The following JMJD1C variants were observed in gnomAD, a reference collection of about 807,000 sequenced individuals.
The protein encoded by JMJD1C is jumonji domain-containing protein 1C.
Under a neutral mutation model 245.3 loss-of-function variants are expected in JMJD1C, and 31 were observed. The ratio of observed to expected loss-of-function variants is 0.13; its 90% CI spans 0.09 to 0.17. The LOEUF is 0.17. JMJD1C is among the 10% of genes least tolerant of loss of function. The pLI is 1.00. For synonymous variants in JMJD1C, 1,057 were observed against 1,017.4 expected (o/e 1.04, Z -0.74); for missense variants, 2,691 against 3,000.2 (o/e 0.90, Z 2.41).
In JMJD1C at chr10:63,465,304, C is replaced by T. The variant is rs931941778; in HGVS notation, c.168+191G>A. On this transcript the variant is annotated intron_variant, in intron 1 of 25. Transcript: ENST00000399262. ...GAGTCCTGCTCCGACACCACCTCCA[C>T]AGGGGAAGCCGCTCGGAGAGACGCA... 3 of 638,558 alleles carry T rather than the reference C, an allele frequency of 4.7e-6. No homozygotes were observed. The South Asian group carries it at 6.0e-5, about 13-fold the overall frequency. 39.6% of individuals were successfully genotyped at this position (638,558 alleles called of 1,614,324 possible). A position where few individuals can be genotyped will look rare whatever the true frequency, so the allele number is the denominator to read the frequency against.
intron 1 of JMJD1C, among the ~76,000 whole-genome samples, chr10:63,457,883 A>T (rs1314353872): frequency 6.6e-6 from 1 of 152,198 alleles, no homozygotes; most frequent in Non-Finnish European, 1.5e-5. Flanking sequence ...CAGTATGCAT[A>T]GTTTTGTTTT....
chr10:63,203,639 A>C (rs1846270463), intron 10 of JMJD1C: 1 of 975,200 alleles, frequency 1.0e-6, no homozygotes, highest in South Asian at 4.7e-5. Context: ...TAAAACATAA[A>C]AATTAGTGGA....
At chr10:63,417,223 A>C (rs1193295359) in intron 1 of JMJD1C, among the ~76,000 whole-genome samples, 1 of 152,336 alleles carries the variant, frequency 6.6e-6, no homozygotes, top group African/African-American at 2.4e-5. Flanking sequence ...GCAACCGGTT[A>C]TCAAAGAATT....
chr10:63,370,896 A>G (rs1466054622), intron 2 of JMJD1C, among the ~76,000 whole-genome samples: 3 of 152,220 alleles, frequency 2.0e-5, no homozygotes, highest in Non-Finnish European at 4.4e-5. Flanking sequence ...CTAGGAAATA[A>G]TAGTTGTTTT....
chr10:63,315,945 G>C (rs1939989300), intron 2 of JMJD1C, among the ~76,000 whole-genome samples: 1 of 151,664 alleles, frequency 6.6e-6, no homozygotes, highest in African/African-American at 2.4e-5. Context: ...GAGATGGACA[G>C]AGTACATGAG....
chr10:63,453,539 A>C (rs1480650522), intron 1 of JMJD1C, among the ~76,000 whole-genome samples: 1 of 152,186 alleles, frequency 6.6e-6, no homozygotes, highest in Non-Finnish European at 1.5e-5. Flanking sequence ...ATTACTGGAG[A>C]AAAAGTGAAT....
intron 2 of JMJD1C, among the ~76,000 whole-genome samples, chr10:63,306,462 C>T (rs1321501919): frequency 2.0e-5 from 3 of 152,150 alleles, no homozygotes; most frequent in African/African-American, 7.2e-5. Flanking sequence ...CCTCAAACTC[C>T]AGTAACCCAC....
At chr10:63,224,763 A>T (rs1849037196) in intron 3 of JMJD1C, among the ~76,000 whole-genome samples, 1 of 151,968 alleles carries the variant, frequency 6.6e-6, no homozygotes, top group Admixed American at 6.6e-5. Context: ...CTCGTGTGAG[A>T]TTAAAAATCC....
intron 3 of JMJD1C, among the ~76,000 whole-genome samples, chr10:63,241,373 C>T (rs1851464403): frequency 6.6e-6 from 1 of 152,062 alleles, no homozygotes; most frequent in Non-Finnish European, 1.5e-5. Context: ...CAATACTGGC[C>T]ACAAATCGAT....
chr10:63,454,456 C>T (rs1356949172), intron 1 of JMJD1C, among the ~76,000 whole-genome samples: 3 of 151,968 alleles, frequency 2.0e-5, no homozygotes, highest in Non-Finnish European at 4.4e-5. Context: ...TGGAATCTCA[C>T]TCTGTTGCCC....
intron 2 of JMJD1C, among the ~76,000 whole-genome samples, chr10:63,311,619 G>A (rs890343345): frequency 7.9e-5 from 12 of 152,070 alleles, no homozygotes; most frequent in African/African-American, 2.7e-4. Flanking sequence ...AATCATGAAA[G>A]CAAGTAAATC....
At chr10:63,516,995 G>A (rs1201684447) in intron 1 of JMJD1C, among the ~76,000 whole-genome samples, 1 of 152,154 alleles carries the variant, frequency 6.6e-6, no homozygotes, top group East Asian at 1.9e-4. Context: ...GCTTTCTTCT[G>A]TTATGTCAGT....
At chr10:63,324,461 G>A (rs945017757) in intron 2 of JMJD1C, among the ~76,000 whole-genome samples, 5 of 152,052 alleles carry the variant, frequency 3.3e-5, no homozygotes, top group Admixed American at 1.3e-4. Flanking sequence ...TCCTGCAGAC[G>A]GAGATCAGAT....
intron 1 of JMJD1C, among the ~76,000 whole-genome samples, chr10:63,507,472 T>A (rs1954753888): frequency 6.6e-6 from 1 of 151,708 alleles, no homozygotes; most frequent in South Asian, 2.1e-4. Flanking sequence ...GGTGAAAGCC[T>A]GTCTCTACTA....
chr10:63,317,461 C>T (rs187189515), intron 2 of JMJD1C, among the ~76,000 whole-genome samples: 4 of 152,132 alleles, frequency 2.6e-5, no homozygotes, highest in East Asian at 1.9e-4. Flanking sequence ...TGCCATAGAA[C>T]ATTGGAACTT....
At chr10:63,305,683 T>TGTGTGTGTGTGTGTGTGTGTGTGTG (rs71025152) in intron 2 of JMJD1C, among the ~76,000 whole-genome samples, 14 of 146,416 alleles carry the variant, frequency 9.6e-5, no homozygotes, top group South Asian at 2.2e-4. Context: ...TGTGTGTGTG[T>TGTGTGTGTGTGTGTGTGTGTGTGTG]TGAAAGATCT....
intron 24 of JMJD1C, among the ~76,000 whole-genome samples, chr10:63,171,783 C>T (rs1044244750): frequency 6.6e-6 from 1 of 152,126 alleles, no homozygotes; most frequent in Admixed American, 6.5e-5. Context: ...TGTCAGAATA[C>T]TGATTTAGAG....
At chr10:63,268,706 CACA>C in intron 2 of JMJD1C, 6 of 984,620 alleles carry the variant, frequency 6.1e-6, no homozygotes, top group Non-Finnish European at 7.2e-6. Flanking sequence ...CTCAGAAATC[CACA>C]ACAAGGCTTT....
chr10:63,318,256 A>C (rs912834940), intron 2 of JMJD1C, among the ~76,000 whole-genome samples: 1 of 152,088 alleles, frequency 6.6e-6, no homozygotes, highest in African/African-American at 2.4e-5. Flanking sequence ...GACTCGAGGA[A>C]TCCTCCTATC....
Sources: gnomAD v4.1 joint callset for allele counts (sites outside exome capture counted in the v4.1 genomes callset) on GRCh38, gnomAD v4.1.1 for gene constraint, MANE v1.5 for transcripts, NCBI Gene and HGNC (gene_info 2026-07-23, HGNC 2026-07-21) for gene names.